ST18: variants seen among roughly 807,000 people sequenced by gnomAD.
ST18 encodes the protein suppression of tumorigenicity 18 protein.
A neutral mutation model predicts 110.0 loss-of-function variants in ST18; 50 were observed. The ratio of observed to expected loss-of-function variants is 0.45; its 90% confidence interval spans 0.36 to 0.58. The LOEUF (loss-of-function observed/expected upper bound fraction) is 0.58, where lower values mean the gene tolerates loss of function less well. Ranked by LOEUF, ST18 falls within the 20% of genes least tolerant of loss-of-function variation. The pLI, the probability that ST18 is intolerant of heterozygous loss-of-function variation, is 0.00. For missense variants in ST18, 1,306 were observed against 1,280.1 expected, an observed-to-expected ratio of 1.02 and a Z score of -0.31; for synonymous variants, 461 against 452.4, an observed-to-expected ratio of 1.02 and a Z score of -0.24.
At chr8:52,296,136 A>AG (rs1418400195) in intron 2 of ST18, among the ~76,000 whole-genome samples, 2 of 152,216 alleles carry the variant, frequency 1.3e-5, no homozygotes, top group African/African-American at 4.8e-5. Flanking sequence ...AAAAAGAAAT[A>AG]GTGCAATGCT....
At position 52,165,788 on chromosome 8, in the gene ST18, C is replaced by T. The variant is rs915773169; in HGVS notation, c.1205-563G>A. Among the ~76,000 whole-genome samples, 8 of 152,322 alleles carry T rather than the reference C, an allele frequency of 5.3e-5. No individual in the cohort carries two copies. In the East Asian group the frequency reaches 1.5e-3, roughly 29 times the overall value. The stretch of plus-strand genomic sequence containing the variant: ...GCACTGAGCTGATTAGACTTAGTGA[C>T]TTGCAAAATCTCACTTTTGAGAAGA... On this transcript the variant is annotated intron_variant, in intron 11 of 25. Coordinates refer to ENST00000689386, the MANE Select transcript of ST18 (RefSeq NM_001352837.2).
At chr8:52,341,120 G>A (rs1814774524) in intron 2 of ST18, among the ~76,000 whole-genome samples, 1 of 152,162 alleles carries the variant, frequency 6.6e-6, no homozygotes, top group East Asian at 1.9e-4. Flanking sequence ...ATGAGAAAAT[G>A]CAGCTTACCA....
At chr8:52,351,706 G>A (rs932758599) in intron 2 of ST18, among the ~76,000 whole-genome samples, 3 of 152,146 alleles carry the variant, frequency 2.0e-5, no homozygotes, top group African/African-American at 7.2e-5. Context: ...ATCTTCAAAT[G>A]TTTATATTGT....
At chr8:52,204,052 T>C (rs1436264772) in intron 8 of ST18, among the ~76,000 whole-genome samples, 1 of 152,216 alleles carries the variant, frequency 6.6e-6, no homozygotes, top group African/African-American at 2.4e-5. Flanking sequence ...TGATACATGA[T>C]GAATGTTTAA....
intron 10 of ST18, among the ~76,000 whole-genome samples, chr8:52,169,631 T>C (rs2064120266): frequency 6.6e-6 from 1 of 152,060 alleles, no homozygotes; most frequent in South Asian, 2.1e-4. Context: ...GGATAAGCAT[T>C]GACTTAACAG....
At chr8:52,119,631 C>T (rs1281370721) in intron 23 of ST18, among the ~76,000 whole-genome samples, 2 of 152,140 alleles carry the variant, frequency 1.3e-5, no homozygotes, top group Non-Finnish European at 2.9e-5. Context: ...TGGTTGCACA[C>T]AGGAAGCATG....
At chr8:52,378,385 T>C (rs12546542) in intron 2 of ST18, among the ~76,000 whole-genome samples, 114,269 of 152,122 alleles carry the variant, frequency 0.75, 48,046 homozygotes, top group Non-Finnish European at 0.93. Context: ...ATAAGGTATC[T>C]ATAATAATTA....
chr8:52,297,189 T>C (rs1589705655), intron 2 of ST18, among the ~76,000 whole-genome samples: 1 of 151,906 alleles, frequency 6.6e-6, no homozygotes, highest in African/African-American at 2.4e-5. Flanking sequence ...CTGTGGGGGG[T>C]GCAGTCCGCA....
chr8:52,186,667 T>C (rs1028867729), intron 8 of ST18, among the ~76,000 whole-genome samples: 1 of 152,234 alleles, frequency 6.6e-6, no homozygotes, highest in African/African-American at 2.4e-5. Flanking sequence ...GTCCTTTGAC[T>C]GCAGAATGAA....
At chr8:52,253,218 A>T (rs1390408001) in intron 2 of ST18, among the ~76,000 whole-genome samples, 1 of 152,082 alleles carries the variant, frequency 6.6e-6, no homozygotes, top group Non-Finnish European at 1.5e-5. Context: ...AGTTATTTCC[A>T]CATGTATCAA....
chr8:52,309,286 CGAGG>C (rs2095862405), intron 2 of ST18, among the ~76,000 whole-genome samples: 1 of 152,052 alleles, frequency 6.6e-6, no homozygotes, highest in East Asian at 1.9e-4. Flanking sequence ...TTTGGGTGGC[CGAGG>C]TGGGTGGGTC....
intron 15 of ST18, among the ~76,000 whole-genome samples, chr8:52,156,579 G>C (rs2060073871): frequency 6.6e-6 from 1 of 152,142 alleles, no homozygotes; most frequent in Non-Finnish European, 1.5e-5. Context: ...TTTCATCAGA[G>C]GCTCAGTTTC....
At chr8:52,137,840 C>T (rs1334843050) in intron 17 of ST18, 12 of 197,842 alleles carry the variant, frequency 6.1e-5, no homozygotes, top group African/African-American at 2.3e-4. Context: ...TGGTGGCTCA[C>T]GCCTGTAATC....
intron 2 of ST18, among the ~76,000 whole-genome samples, chr8:52,242,369 A>C (rs1041779070): frequency 3.3e-5 from 5 of 152,190 alleles, no homozygotes; most frequent in African/African-American, 1.2e-4. Context: ...TCTGGGGGCT[A>C]TGGTGCCTGA....
At chr8:52,293,738 A>G (rs1056534723) in intron 2 of ST18, among the ~76,000 whole-genome samples, 2 of 152,074 alleles carry the variant, frequency 1.3e-5, no homozygotes, top group African/African-American at 4.8e-5. Context: ...GTAAATGGGG[A>G]TAATGCTTTC....
intron 2 of ST18, among the ~76,000 whole-genome samples, chr8:52,236,122 C>T (rs1378877134): frequency 6.6e-6 from 1 of 152,124 alleles, no homozygotes; most frequent in African/African-American, 2.4e-5. Context: ...AAGGAGGCAA[C>T]AGGTAAGCAT....
chr8:52,265,629 A>G (rs1174721802), intron 2 of ST18, among the ~76,000 whole-genome samples: 2 of 152,222 alleles, frequency 1.3e-5, no homozygotes, highest in Non-Finnish European at 2.9e-5. Flanking sequence ...GAGATAAGAA[A>G]TACTTCTTTT....
chr8:52,134,836 C>A (rs1039757021), intron 19 of ST18, among the ~76,000 whole-genome samples: 5 of 152,130 alleles, frequency 3.3e-5, no homozygotes, highest in Non-Finnish European at 5.9e-5. Context: ...CGTTTTGGGG[C>A]ATTCTCCATG....
At position 52,353,821 on chromosome 8, in the gene ST18, G is replaced by A. The variant is rs144533870; in HGVS notation, c.-465+55507C>T. 7.2e-5 allele frequency among the ~76,000 whole-genome samples: 11 copies of A among 152,276 alleles called. 1 individual carries two copies. The highest frequency in any genetic ancestry group is 5.8e-4 in the East Asian group (3 of 5,186). ...AATGTCAATTTCTGCCTCTCCCTTC[G>A]CCTCTGCTGTACTTAAGACTCCCGG... On this transcript the variant is annotated intron_variant, in intron 2 of 25. Transcript: ENST00000689386.
Sources: gnomAD v4.1 joint callset for allele counts (sites outside exome capture counted in the v4.1 genomes callset) on GRCh38, gnomAD v4.1.1 for gene constraint, MANE v1.5 for transcripts, NCBI Gene and HGNC (gene_info 2026-07-23, HGNC 2026-07-21) for gene names.